Variants in KIRREL3 observed in about 807,000 individuals in gnomAD.
The protein encoded by KIRREL3 is kin of IRRE-like protein 3.
In KIRREL3, 36 loss-of-function variants were observed where a neutral mutation model predicts 89.7. The ratio of observed to expected loss-of-function variants is 0.40; its 90% confidence interval spans 0.31 to 0.53. The LOEUF (loss-of-function observed/expected upper bound fraction) is 0.53. Among genes scored for constraint, KIRREL3 ranks in the 20% least tolerant of loss-of-function variants. The pLI, the probability that KIRREL3 is intolerant of heterozygous loss-of-function variation, is 0.49. For synonymous variants in KIRREL3, 445 were observed against 441.4 expected, an observed-to-expected ratio of 1.01 and a Z score of -0.10; for missense variants, 864 against 1,056.6, an observed-to-expected ratio of 0.82 and a Z score of 2.53.
chr11:126,757,189 T>C (rs1949531522), intron 1 of KIRREL3, among the ~76,000 whole-genome samples: 1 of 151,972 alleles, frequency 6.6e-6, no homozygotes, highest in Non-Finnish European at 1.5e-5. Flanking sequence ...CAATCACTTC[T>C]GTTAGGGAGG....
intron 1 of KIRREL3, among the ~76,000 whole-genome samples, chr11:126,939,029 C>T (rs564383641): frequency 6.6e-6 from 1 of 152,270 alleles, no homozygotes; most frequent in South Asian, 2.1e-4. Flanking sequence ...CCTAGCTGAG[C>T]CCCGCCCTGC....
rs564308304 is a variant in KIRREL3, at chr11:126,736,502, G to A, written c.56-173590C>T. The stretch of plus-strand genomic sequence containing the variant: ...GGAAGGACCCTCAGAGATCATCTGG[G>A]CCGGTGGTTCTCACCTGGGGGCGAT... On this transcript the variant is annotated intron_variant, in intron 1 of 16. Coordinates refer to ENST00000525144, the MANE Select transcript of KIRREL3 (RefSeq NM_032531.4). This position sits in a 1 kb window ranked among gnomAD's most constrained non-coding sequence, Gnocchi z 5.0. 2.0e-5 allele frequency among the ~76,000 whole-genome samples: 3 copies of A among 152,260 alleles called. No individual in the cohort carries two copies. In the East Asian group the frequency reaches 5.8e-4, roughly 29 times the overall value.
Position 126,535,994 on chromosome 11 carries a change from G to T in KIRREL3, c.134-9307C>A, listed in dbSNP as rs1278025544. On this transcript the variant is annotated intron_variant, in intron 2 of 16. Coordinates refer to ENST00000525144, the MANE Select transcript of KIRREL3 (RefSeq NM_032531.4). The surrounding 1 kb of genome is among the most constrained non-coding windows in gnomAD (Gnocchi z 4.5). ...AGTGAGACTCCATCACAAAAAAAAA[G>T]ATTTTGGTTGAATGAATTTTTCTAG... Among the ~76,000 whole-genome samples, 1 of 151,478 alleles carries T rather than the reference G, an allele frequency of 6.6e-6. No homozygotes were observed. Among genetic ancestry groups the T allele is most frequent in the Non-Finnish European group, 1.5e-5 (1 of 67,874 alleles).
chr11:126,548,558 TAGC>T (rs1939002150), intron 2 of KIRREL3, among the ~76,000 whole-genome samples: 1 of 152,332 alleles, frequency 6.6e-6, no homozygotes, highest in East Asian at 1.9e-4. Context: ...CCCATAGTGG[TAGC>T]AGGTTTGGGG....
rs987916718 is a variant in KIRREL3 at position 126,970,972 on chromosome 11, G to A, written c.55+29483C>T. On this transcript the variant is annotated intron_variant, in intron 1 of 16. Coordinates refer to ENST00000525144, the MANE Select transcript of KIRREL3 (RefSeq NM_032531.4). The surrounding 1 kb of genome is among the most constrained non-coding windows in gnomAD (Gnocchi z 4.4). Reference sequence around the variant, plus strand: ...GTCTCCCTTACAGTAGCTGCGAGGTGCACAGGTAGTTTTAGGATTTAACAT... The same window carrying A: ...GTCTCCCTTACAGTAGCTGCGAGGTACACAGGTAGTTTTAGGATTTAACAT... 5.3e-5 allele frequency among the ~76,000 whole-genome samples: 8 copies of A among 152,168 alleles called. No homozygotes were observed. The highest frequency in any genetic ancestry group is 2.0e-4 in the Admixed American group (3 of 15,274).
chr11:126,732,086 T>A (rs1389739764), intron 1 of KIRREL3, among the ~76,000 whole-genome samples: 1 of 152,178 alleles, frequency 6.6e-6, no homozygotes, highest in Non-Finnish European at 1.5e-5. Flanking sequence ...GGTGTCTCAT[T>A]AATCTCACCT....
chr11:126,804,675 C>G (rs1001692005), intron 1 of KIRREL3, among the ~76,000 whole-genome samples: 1 of 152,128 alleles, frequency 6.6e-6, no homozygotes, highest in African/African-American at 2.4e-5. Flanking sequence ...TGAAATATAC[C>G]TCCCTGCTTT....
intron 1 of KIRREL3, among the ~76,000 whole-genome samples, chr11:126,982,402 T>C (rs1949744911): frequency 6.6e-6 from 1 of 152,216 alleles, no homozygotes; most frequent in Non-Finnish European, 1.5e-5. Context: ...TTGATGCATC[T>C]GGTGGGAAGA....
intron 16 of KIRREL3, 28 bp downstream of exon 16, chr11:126,425,608 CTG>C (rs1954911357): frequency 2.0e-6 from 3 of 1,522,764 alleles, no homozygotes; most frequent in Admixed American, 1.9e-5. Flanking sequence ...GATTCCATGG[CTG>C]TGTCTTATAA....
chr11:126,572,751 T>C (rs1241472607), intron 1 of KIRREL3, among the ~76,000 whole-genome samples: 1 of 151,940 alleles, frequency 6.6e-6, no homozygotes, highest in Non-Finnish European at 1.5e-5. Context: ...CTACTCAGGG[T>C]GTGCAGGCAG....
In KIRREL3 at chr11:126,977,288, C is replaced by T. The variant is rs928721401; in HGVS notation, c.55+23167G>A. On this transcript the variant is annotated intron_variant, in intron 1 of 16. Transcript: ENST00000525144. The surrounding 1 kb of genome is among the most constrained non-coding windows in gnomAD (Gnocchi z 4.7). ...GTCTGCGCAGTCAGGTTGGTTTCTT[C>T]GGATGCTGCCGCCCTTTCCTTCTTC... 5.3e-5 allele frequency among the ~76,000 whole-genome samples: 8 copies of T among 152,106 alleles called. No homozygotes were observed. Among genetic ancestry groups the T allele is most frequent in the East Asian group, 1.9e-4 (1 of 5,196 alleles).
At chr11:126,842,098 C>T (rs146602546) in intron 1 of KIRREL3, among the ~76,000 whole-genome samples, 14 of 152,052 alleles carry the variant, frequency 9.2e-5, no homozygotes, top group East Asian at 3.9e-4. Context: ...GAGAAGAGAG[C>T]GCTTTCAGAG....
At chr11:126,512,795 G>A (rs1313109892) in intron 4 of KIRREL3, among the ~76,000 whole-genome samples, 2 of 152,204 alleles carry the variant, frequency 1.3e-5, no homozygotes, top group Non-Finnish European at 2.9e-5. Flanking sequence ...GAAGGGAAGA[G>A]GAACTCAGGG....
chr11:126,583,314 A>C (rs996350557), intron 1 of KIRREL3, among the ~76,000 whole-genome samples: 2 of 152,168 alleles, frequency 1.3e-5, no homozygotes, highest in African/African-American at 4.8e-5. Context: ...TTCTAAAATG[A>C]GATTTCCTAT....
At position 126,635,104 on chromosome 11, in the gene KIRREL3, T is replaced by G. The variant is rs1324244704; in HGVS notation, c.56-72192A>C. Among the ~76,000 whole-genome samples the G allele has an allele frequency of 6.6e-6, 1 of 152,228 alleles. No homozygotes were observed. On this transcript the variant is annotated intron_variant, in intron 1 of 16. Transcript: ENST00000525144. This position sits in a 1 kb window ranked among gnomAD's most constrained non-coding sequence, Gnocchi z 4.0. Reference sequence around the variant, plus strand: ...AAAGAACACTTTTTCTTTTAAGGATTGACCTTTTGCTCAATGAGCAGGATT... The same window carrying G: ...AAAGAACACTTTTTCTTTTAAGGATGGACCTTTTGCTCAATGAGCAGGATT...
chr11:126,599,316 G>T (rs545071260), intron 1 of KIRREL3, among the ~76,000 whole-genome samples: 1 of 152,092 alleles, frequency 6.6e-6, no homozygotes, highest in Non-Finnish European at 1.5e-5. Flanking sequence ...GTCCCTGCTC[G>T]GTGTCTTGGC....
rs973771355 is a variant in KIRREL3, at chr11:126,578,287, T to C, written c.56-15375A>G. 6.6e-6 allele frequency among the ~76,000 whole-genome samples: 1 copy of C among 152,224 alleles called. No individual in the cohort carries two copies. Among genetic ancestry groups the C allele is most frequent in the African/African-American group, 2.4e-5 (1 of 41,468 alleles). On this transcript the variant is annotated intron_variant, in intron 1 of 16. Coordinates refer to ENST00000525144, the MANE Select transcript of KIRREL3 (RefSeq NM_032531.4). This position sits in a 1 kb window ranked among gnomAD's most constrained non-coding sequence, Gnocchi z 4.9. ...CCCTCCCTCTCCCCTCCAGCTTCTC[T>C]GCAAATGCAAGACTCTGGCTTCATT...
Position 126,521,392 on chromosome 11 carries a change from A to G in KIRREL3, c.356T>C (p.Leu119Pro). 1 of 1,568,074 alleles carries G rather than the reference A, an allele frequency of 6.4e-7. No homozygotes were observed. The highest frequency in any genetic ancestry group is 8.6e-7 in the Non-Finnish European group (1 of 1,156,482). Reference protein sequence around the residue: ...EHHLKILRAELQDDAVYECQA... With the variant: ...EHHLKILRAEPQDDAVYECQA... ...GCACTCGTACACCGCATCGTCTTGC[A>G]GCTCTGCCCTCAGGATCTTCAGGTG... The change falls in exon 4 of 17, where the codon CTG becomes CCG. Residue 119 changes from leucine (L) to proline (P), a missense_variant. Transcript: ENST00000525144. This position sits in a 1 kb window ranked among gnomAD's most constrained non-coding sequence, Gnocchi z 4.1.
At chr11:126,451,203 G>A (rs946530369) in intron 7 of KIRREL3, among the ~76,000 whole-genome samples, 5 of 149,800 alleles carry the variant, frequency 3.3e-5, no homozygotes, top group Non-Finnish European at 5.9e-5. Context: ...GTGTGTGCAT[G>A]TGTGTGCATG....
Sources: gnomAD v4.1 joint callset for allele counts (sites outside exome capture counted in the v4.1 genomes callset) on GRCh38, gnomAD v4.1.1 for gene constraint, Gnocchi (gnomAD v3.1) non-coding constraint, MANE v1.5 for transcripts, NCBI Gene and HGNC (gene_info 2026-07-23, HGNC 2026-07-21) for gene names.